The following GPR35 variants were observed in gnomAD, a reference collection of about 807,000 sequenced individuals.
The protein encoded by GPR35 is KYNA receptor.
For synonymous variants in GPR35, 207 were observed against 198.4 expected, an observed-to-expected ratio of 1.04 and a Z score of -0.36; for missense variants, 372 against 422.5, an observed-to-expected ratio of 0.88 and a Z score of 1.05.
At position 240,630,193 on chromosome 2, in the gene GPR35, C is replaced by T. The variant is rs751883121; in HGVS notation, c.241C>T (p.Arg81Ter). 14 of 1,584,208 alleles carry T rather than the reference C, an allele frequency of 8.8e-6. No homozygotes were observed. Among genetic ancestry groups the T allele is most frequent in the East Asian group, 2.3e-5 (1 of 44,438 alleles). Residue 81 changes from arginine (R) to a stop codon, truncating the protein, a stop_gained, in exon 2 of 2, where the codon CGA becomes TGA. Coordinates refer to ENST00000407714, the MANE Select transcript of GPR35 (RefSeq NM_005301.5). LOFTEE classifies it low-confidence loss of function (END_TRUNC). ...CTLPFVLHSL[R>*]DTSDTPLCQL... ...CTTGCCCTTCGTGCTGCACTCCCTG[C>T]GAGACACCTCAGACACGCCGCTGTG...
intron 2 of GPR35, among the ~76,000 whole-genome samples, chr2:240,611,788 G>A (rs1277075317): frequency 1.3e-5 from 2 of 152,174 alleles, no homozygotes; most frequent in Non-Finnish European, 2.9e-5. Flanking sequence ...CAGTGTCCGG[G>A]GCTGGAGCTG....
At chr2:240,616,611 G>A in intron 3 of GPR35, 2 of 694,760 alleles carry the variant, frequency 2.9e-6, no homozygotes, top group Non-Finnish European at 5.3e-6. Context: ...GAGGCCAGCA[G>A]CCACCAATGA....
intron 2 of GPR35, among the ~76,000 whole-genome samples, chr2:240,607,923 A>C (rs2043150465): frequency 6.7e-6 from 1 of 149,970 alleles, no homozygotes; most frequent in East Asian, 2.0e-4. Flanking sequence ...ACAGGGGCTC[A>C]CTCTGTTGCC....
chr2:240,632,799 C>T lies in GPR35; in HGVS notation c.*1917C>T, dbSNP rs897288135. On this transcript the variant is annotated 3_prime_UTR_variant, in exon 2 of 2. Coordinates refer to ENST00000407714, the MANE Select transcript of GPR35 (RefSeq NM_005301.5). ...AAAAGTGTCCATGCCCAGGAAGGTC[C>T]ATGTCCAGAAGAGTCCATACCCAGG... 6.6e-6 allele frequency among the ~76,000 whole-genome samples: 1 copy of T among 152,210 alleles called. No individual in the cohort carries two copies. The highest frequency in any genetic ancestry group is 1.5e-5 in the Non-Finnish European group (1 of 68,028).
At chr2:240,617,125 C>G in exon 4 of GPR35, 1 of 705,114 alleles carries the variant, frequency 1.4e-6, no homozygotes, top group Non-Finnish European at 2.6e-6. Context: ...CTCCTCGTAG[C>G]TGAGCCTTCT....
chr2:240,609,726 G>A (rs2043165325), intron 2 of GPR35, among the ~76,000 whole-genome samples: 1 of 152,160 alleles, frequency 6.6e-6, no homozygotes, highest in Admixed American at 6.5e-5. Flanking sequence ...CATCAGTTTG[G>A]ATAAGATGAT....
chr2:240,610,119 C>T lies in GPR35; in HGVS notation c.-577+3507C>T, dbSNP rs561610964. 2.3e-3 allele frequency among the ~76,000 whole-genome samples: 349 copies of T among 152,210 alleles called. 3 individuals are homozygous for T. The highest frequency in any genetic ancestry group is 8.0e-3 in the African/African-American group (331 of 41,524). The stretch of plus-strand genomic sequence containing the variant: ...GGATTACAGGTGCCCACCACTGCGC[C>T]TGGCTAATTTTTGTATTTTTAGTAG... On this transcript the variant is annotated intron_variant, in intron 2 of 5. Transcript: ENST00000319838.
At chr2:240,626,032 T>TG (rs762780048) in intron 1 of GPR35, among the ~76,000 whole-genome samples, 4 of 11,702 alleles carry the variant, frequency 3.4e-4, no homozygotes, top group African/African-American at 2.9e-4. Flanking sequence ...GAGGCTGTGA[T>TG]GGGGTCTCAG....
chr2:240,611,617 C>A (rs1360329273), intron 2 of GPR35, among the ~76,000 whole-genome samples: 12 of 152,240 alleles, frequency 7.9e-5, no homozygotes, highest in Non-Finnish European at 1.8e-4. Flanking sequence ...ACAAGAGGAA[C>A]CACTCTCTGA....
At chr2:240,625,415 G>GC (rs941056838), upstream of GPR35, 19 of 985,328 alleles carry the variant, frequency 1.9e-5, no homozygotes, top group South Asian at 4.7e-5. Context: ...TCAGCCGCCC[G>GC]CCCCCCCACC....
chr2:240,613,094 G>A (rs2043201780), intron 2 of GPR35, among the ~76,000 whole-genome samples: 1 of 152,220 alleles, frequency 6.6e-6, no homozygotes, highest in South Asian at 2.1e-4. Context: ...GACAAGGAGT[G>A]AGGCAGAGCC....
chr2:240,605,954 G>T (rs2043128774), intron 1 of GPR35, among the ~76,000 whole-genome samples: 1 of 152,178 alleles, frequency 6.6e-6, no homozygotes, highest in Non-Finnish European at 1.5e-5. Context: ...GCTTTGGCAG[G>T]CAGGCTGACC....
At chr2:240,627,607 C>G (rs943953271) in intron 1 of GPR35, 2 of 150,372 alleles carry the variant, frequency 1.3e-5, no homozygotes, top group African/African-American at 4.9e-5. Flanking sequence ...GCACGCATCA[C>G]CAGCCCAGCT....
Position 240,631,127 on chromosome 2 carries a change from GC to G in GPR35, c.*247del, listed in dbSNP as rs1295879452. On this transcript the variant is annotated 3_prime_UTR_variant, in exon 2 of 2. Transcript: ENST00000407714. ...CAATGTCAGAGACCCCCGGGATGGG[GC>G]CTCACACTTGCCACCCCCAGAACCA... The G allele has an allele frequency of 1.1e-5, 6 of 556,844 alleles. No individual in the cohort carries two copies. The highest frequency in any genetic ancestry group is 1.9e-5 in the African/African-American group (1 of 53,026). The allele number at this position is 556,844 out of a possible 1,614,324, so 34.5% of individuals were successfully genotyped here.
Position 240,630,252 on chromosome 2 carries a change from G to A in GPR35, c.300G>A (p.Arg100=), listed in dbSNP as rs147336244. The part of the protein sequence containing the change: ...QLSQGIYLTN[R]YMSISLVTAI... ...CCCAGGGCATCTACCTGACCAACAG[G>A]TACATGAGCATCAGCCTGGTCACGG... The change falls in exon 2 of 2, where the codon AGG becomes AGA. Residue 100 remains arginine, a synonymous_variant. Transcript: ENST00000407714. 3.0e-3 allele frequency: 4,680 copies of A among 1,564,452 alleles called. 9 individuals are homozygous for A. Among genetic ancestry groups the A allele is most frequent in the Non-Finnish European group, 3.6e-3 (4,129 of 1,158,674 alleles).
chr2:240,628,732 G>A (rs1271793430), intron 1 of GPR35: 1 of 152,230 alleles, frequency 6.6e-6, no homozygotes, highest in African/African-American at 2.4e-5. Flanking sequence ...CTTCGCTGTG[G>A]GCTGAGTCCT....
chr2:240,621,893 C>T (rs908481097), upstream of GPR35, among the ~76,000 whole-genome samples: 3 of 152,230 alleles, frequency 2.0e-5, no homozygotes, highest in Middle Eastern at 3.4e-3. Context: ...CTGTCTGTCA[C>T]GGGGTCTTGC....
At chr2:240,625,387 C>T, upstream of GPR35, 1 of 985,538 alleles carries the variant, frequency 1.0e-6, no homozygotes. Context: ...CCTGTTACCC[C>T]TGACCTGCTG....
At chr2:240,628,284 AGCCTG>A (rs368510185) in intron 1 of GPR35, 1 of 152,348 alleles carries the variant, frequency 6.6e-6, no homozygotes, top group African/African-American at 2.4e-5. Flanking sequence ...ATGTCCTCGG[AGCCTG>A]GCCTGGCTCA....
Sources: allele counts gnomAD v4.1 joint callset (sites outside exome capture counted in the v4.1 genomes callset), GRCh38; gene constraint gnomAD v4.1.1; transcripts MANE v1.5; gene names NCBI Gene and HGNC (gene_info 2026-07-23, HGNC 2026-07-21).